Variants in SYNE2 observed in about 807,000 individuals in gnomAD.
SYNE2 encodes spectrin repeat containing nuclear envelope protein 2, also known as nesprin-2.
A neutral mutation model predicts 856.3 loss-of-function variants in SYNE2; 431 were observed. The ratio of observed to expected loss-of-function variants is 0.50; its 90% CI spans 0.47 to 0.55. The LOEUF is 0.55. SYNE2 is among the 20% of genes least tolerant of loss of function. The pLI, the probability that SYNE2 is intolerant of heterozygous loss-of-function variation, is 0.00. For missense variants in SYNE2, 8,129 were observed against 8,023.2 expected (o/e 1.01, Z -0.50); for synonymous variants, 2,923 against 2,872.3 (o/e 1.02, Z -0.56).
chr14:64,164,327 G>T (rs2098357140), intron 89 of SYNE2, among the ~76,000 whole-genome samples: 1 of 152,074 alleles, frequency 6.6e-6, no homozygotes, highest in South Asian at 2.1e-4. Context: ...AGCCAGGATG[G>T]TCTCAATCTC....
At position 64,212,986 on chromosome 14, in the gene SYNE2, G is replaced by A. The variant is rs144633663; in HGVS notation, c.19037G>A (p.Arg6346Gln). 7 of 1,613,650 alleles carry A rather than the reference G, an allele frequency of 4.3e-6. No homozygotes were observed. Among genetic ancestry groups the A allele is most frequent in the Non-Finnish European group, 5.1e-6 (6 of 1,179,972 alleles). ...GGAAGGGTCTCCCGGTTCCACCGGC[G>A]GCTCACCTCCTGCACTCCGGTACGG... is the stretch of plus-strand genomic sequence containing the variant. ...VFGRVSRFHR[R>Q]LTSCTPGLED... The change falls in exon 105 of 116, where the codon CGG becomes CAG. Residue 6346 changes from arginine to glutamine, a missense_variant. Around this residue, in one of 3 missense-constraint regions of SYNE2, gnomAD observed 5,410 missense variants for 5,284.8 expected, o/e 1.02. Coordinates refer to ENST00000555002, the MANE Select transcript of SYNE2 (RefSeq NM_182914.3).
intron 45 of SYNE2, among the ~76,000 whole-genome samples, chr14:64,047,547 A>G (rs909705948): frequency 6.6e-6 from 1 of 152,136 alleles, no homozygotes; most frequent in Non-Finnish European, 1.5e-5. Context: ...GCTTGCCCCT[A>G]TCTGTCTAGG....
chr14:64,159,196 A>C, intron 86 of SYNE2, 116 bp from the exon 87 acceptor site: 1 of 1,359,618 alleles, frequency 7.4e-7, no homozygotes. Flanking sequence ...ATAGTTTATC[A>C]GAGCTGTAAG....
chr14:63,938,650 C>G (rs1391566704), intron 2 of SYNE2, among the ~76,000 whole-genome samples: 1 of 151,902 alleles, frequency 6.6e-6, no homozygotes, highest in Non-Finnish European at 1.5e-5. Context: ...GGTACGAGGG[C>G]TGCAAGAGAA....
chr14:64,223,083 C>T (rs902817054), intron 112 of SYNE2, 106 bp from the exon 113 acceptor site: 1 of 1,106,174 alleles, frequency 9.0e-7, no homozygotes, highest in South Asian at 1.3e-5. Context: ...TTGAGTACTA[C>T]CCATCATTCA....
chr14:63,951,285 T>C (rs2096153568), intron 7 of SYNE2, among the ~76,000 whole-genome samples: 1 of 152,230 alleles, frequency 6.6e-6, no homozygotes, highest in East Asian at 1.9e-4. Context: ...GAGCTGAAGT[T>C]CTGCTTTCAG....
chr14:64,177,254 A>C, intron 95 of SYNE2, 104 bp from the exon 96 acceptor site: 1 of 1,468,392 alleles, frequency 6.8e-7, no homozygotes, highest in Non-Finnish European at 9.4e-7. Context: ...TTTATTAAAA[A>C]CAAACTTAAT....
intron 1 of SYNE2, among the ~76,000 whole-genome samples, chr14:63,858,533 TAGCCTCCTG>T (rs1892565234): frequency 6.6e-6 from 1 of 151,846 alleles, no homozygotes; most frequent in Admixed American, 6.6e-5. Flanking sequence ...TCTCCTGCCT[TAGCCTCCTG>T]AGTAGCTGGG....
At chr14:64,191,264 A>C in intron 99 of SYNE2, 1 of 228,510 alleles carries the variant, frequency 4.4e-6, no homozygotes, top group Non-Finnish European at 8.1e-6. Flanking sequence ...AGTGAACCTG[A>C]GTCAATCAAC....
intron 1 of SYNE2, among the ~76,000 whole-genome samples, chr14:63,803,363 G>A (rs1888233262): frequency 6.6e-6 from 1 of 152,240 alleles, no homozygotes; most frequent in African/African-American, 2.4e-5. Flanking sequence ...CCATGGAGTG[G>A]GTGGGAGGCT....
chr14:64,183,184 T>G (rs1216816755), intron 96 of SYNE2, among the ~76,000 whole-genome samples: 2 of 147,294 alleles, frequency 1.4e-5, no homozygotes, highest in Non-Finnish European at 3.0e-5. Flanking sequence ...GCAGAGACGC[T>G]CCTCACTTCC....
intron 93 of SYNE2, among the ~76,000 whole-genome samples, chr14:64,169,757 G>T (rs1196043892): frequency 6.6e-6 from 1 of 152,102 alleles, no homozygotes; most frequent in Non-Finnish European, 1.5e-5. Flanking sequence ...ATAAACAAGA[G>T]GCCTTATTTC....
intron 95 of SYNE2, among the ~76,000 whole-genome samples, chr14:64,176,511 G>T (rs529689207): frequency 6.6e-6 from 1 of 152,164 alleles, no homozygotes; most frequent in Non-Finnish European, 1.5e-5. Context: ...GAAGTGGAAA[G>T]TGAAGGTTGA....
At position 64,141,494 on chromosome 14, in the gene SYNE2, C is replaced by A. The variant is rs551007724; in HGVS notation, c.15130C>A (p.Leu5044Ile). Residue 5044 changes from leucine to isoleucine, a missense_variant, in exon 81 of 116, where the codon CTT (leucine) becomes ATT (isoleucine). Transcript: ENST00000555002. ...AAAATGGACAATGCTCATAACTCAA[C>A]TTCCAGATATTCAAGAAAAACTTCA... Reference protein sequence around the residue: ...EQKWTMLITQLPDIQEKLHQL... With the variant: ...EQKWTMLITQIPDIQEKLHQL... 6.2e-7 allele frequency: 1 copy of A among 1,614,080 alleles called. No homozygotes were observed. The highest frequency in any genetic ancestry group is 8.5e-7 in the Non-Finnish European group (1 of 1,179,962).
rs1049681406 is a variant in SYNE2, at chr14:64,123,617, C to A, written c.13422+1190C>A. ...CAAGCAGAGTCATCTACCACCTCAC[C>A]CTGTTTCATTTTATTTGTCAGCTTT... On this transcript the variant is annotated intron_variant, in intron 70 of 115. Transcript: ENST00000555002. Among the ~76,000 whole-genome samples, 3 of 152,172 alleles carry A rather than the reference C, an allele frequency of 2.0e-5. No homozygotes were observed. In the East Asian group the frequency reaches 5.8e-4, roughly 29 times the overall value.
At chr14:63,891,844 G>A (rs1438753081) in intron 1 of SYNE2, among the ~76,000 whole-genome samples, 3 of 152,096 alleles carry the variant, frequency 2.0e-5, no homozygotes, top group Non-Finnish European at 4.4e-5. Context: ...ATAAAAGCAC[G>A]TGTAATTTGG....
At chr14:63,764,462 G>T (rs1886598639) in intron 1 of SYNE2, among the ~76,000 whole-genome samples, 1 of 151,826 alleles carries the variant, frequency 6.6e-6, no homozygotes, top group Non-Finnish European at 1.5e-5. Context: ...TTGGGCCCAG[G>T]AGTTCGAGAC....
chr14:64,132,109 T>C (rs1156771003), intron 76 of SYNE2, among the ~76,000 whole-genome samples, 156 bp from the exon 77 acceptor site: 2 of 152,204 alleles, frequency 1.3e-5, no homozygotes, highest in Non-Finnish European at 2.9e-5. Context: ...AATTTTTGTA[T>C]TGCCATCTTG....
intron 110 of SYNE2, 134 bp downstream of exon 110, chr14:64,219,544 T>G: frequency 1.2e-6 from 1 of 869,118 alleles, no homozygotes; most frequent in South Asian, 1.5e-5. Context: ...GTCACTCTCT[T>G]CCATTTCAGT....
Sources: allele counts gnomAD v4.1 joint callset (sites outside exome capture counted in the v4.1 genomes callset), GRCh38; gene constraint gnomAD v4.1.1; regional missense constraint gnomAD v4.1.1; transcripts MANE v1.5; gene names NCBI Gene and HGNC (gene_info 2026-07-23, HGNC 2026-07-21).